The following THBS3 variants were observed in gnomAD, a reference collection of about 807,000 sequenced individuals.
The protein encoded by THBS3 is thrombospondin 3.
In THBS3, 78 loss-of-function variants were observed where a neutral mutation model predicts 118.3. That is an observed-to-expected ratio of 0.66 (90% CI 0.55 to 0.80). The LOEUF is 0.80. Ranked by LOEUF, THBS3 falls within the 30% of genes least tolerant of loss-of-function variation. THBS3 has a pLI of 0.00. For missense variants in THBS3, 1,057 were observed against 1,247.4 expected (o/e 0.85, Z 2.30); for synonymous variants, 427 against 475.3 (o/e 0.90, Z 1.32).
chr1:155,196,187 C>T (rs1379503691), intron 21 of THBS3, 61 bp from the exon 22 acceptor site: 44 of 1,596,028 alleles, frequency 2.8e-5, no homozygotes, highest in Non-Finnish European at 3.6e-5. Context: ...GGCACTGTGC[C>T]ACCATGCCTG....
chr1:155,203,599 G>A, intron 4 of THBS3, 60 bp from the exon 5 acceptor site: 1 of 1,600,188 alleles, frequency 6.2e-7, no homozygotes, highest in South Asian at 1.1e-5. Flanking sequence ...AGGCCTGGTT[G>A]GTGAGAAGGA....
chr1:155,203,618 G>A, intron 4 of THBS3, 79 bp from the exon 5 acceptor site: 1 of 1,547,046 alleles, frequency 6.5e-7, no homozygotes, highest in East Asian at 2.3e-5. Context: ...GAGGAAGGAA[G>A]GTGAGGACAG....
At position 155,202,051 on chromosome 1, in the gene THBS3, T is replaced by TG; in HGVS notation, c.1099-18dup. The TG allele has an allele frequency of 6.2e-7, 1 of 1,614,082 alleles. No individual in the cohort carries two copies. Among genetic ancestry groups the TG allele is most frequent in the Non-Finnish European group, 8.5e-7 (1 of 1,180,012 alleles). The stretch of plus-strand genomic sequence containing the variant: ...ATTGCAGACCTGAAGGGGCAGACTT[T>TG]GGGTGGAACCAGACCTATGGTGGGT... On this transcript the variant is annotated splice_polypyrimidine_tract_variant and intron_variant, in intron 9 of 22. Transcript: ENST00000368378. The surrounding 1 kb of genome is among the most constrained non-coding windows in gnomAD (Gnocchi z 5.5).
chr1:155,200,246 A>C, intron 14 of THBS3, 133 bp from the exon 15 acceptor site: 4 of 1,021,976 alleles, frequency 3.9e-6, no homozygotes, highest in Non-Finnish European at 5.8e-6. Flanking sequence ...TTCTTGTCTC[A>C]CCCTCTAGTC....
Position 155,205,050 on chromosome 1 carries a change from C to T in THBS3, c.543+10G>A, listed in dbSNP as rs1670348982. ...ATTTCCACAGAACTCAGAGGCTCCTCCCGGCTCACCTGCATCCTCAAATAC... is the reference window on the plus strand; with the variant it reads ...ATTTCCACAGAACTCAGAGGCTCCTTCCGGCTCACCTGCATCCTCAAATAC... On this transcript the variant is annotated intron_variant, in intron 3 of 22. Transcript: ENST00000368378. The T allele has an allele frequency of 9.3e-6, 15 of 1,612,942 alleles. No homozygotes were observed. The East Asian group carries it at 2.2e-4, about 24-fold the overall frequency.
In THBS3 at chr1:155,202,968, G is replaced by A; in HGVS notation, c.809-8C>T. On this transcript the variant is annotated splice_region_variant and splice_polypyrimidine_tract_variant and intron_variant, in intron 7 of 22. Coordinates refer to ENST00000368378, the MANE Select transcript of THBS3 (RefSeq NM_007112.5). The surrounding 1 kb of genome is among the most constrained non-coding windows in gnomAD (Gnocchi z 5.5). ...AACGCTGCTCATGGAAGCCTGAGGGGTGGACACAGTCAGAGCTACCCGGTG... is the reference window on the plus strand; with the variant it reads ...AACGCTGCTCATGGAAGCCTGAGGGATGGACACAGTCAGAGCTACCCGGTG... 2 of 1,613,930 alleles carry A rather than the reference G, an allele frequency of 1.2e-6. No individual in the cohort carries two copies. The highest frequency in any genetic ancestry group is 1.7e-6 in the Non-Finnish European group (2 of 1,179,976).
chr1:155,197,559 A>G lies in THBS3; in HGVS notation c.2403T>C (p.Ser801=). 1 of 1,612,320 alleles carries G rather than the reference A, an allele frequency of 6.2e-7. No individual in the cohort carries two copies. The highest frequency in any genetic ancestry group is 8.5e-7 in the Non-Finnish European group (1 of 1,179,112). ...YAGFLFSYQD[S]GRFYVVMWKQ... is the part of the protein sequence containing the mutation. ...TCCACATGACTACGTAGAAGCGGCC[A>G]CTGTCTTGATAACTGAAGAGAAAGC... Residue 801 remains serine, a synonymous_variant, in exon 20 of 23, where the codon AGT becomes AGC. Coordinates refer to ENST00000368378, the MANE Select transcript of THBS3 (RefSeq NM_007112.5). This position sits in a 1 kb window ranked among gnomAD's most constrained non-coding sequence, Gnocchi z 5.0.
intron 16 of THBS3, 22 bp downstream of exon 16, chr1:155,199,782 C>T (rs1182394324): frequency 8.1e-6 from 13 of 1,613,396 alleles, no homozygotes; most frequent in East Asian, 4.5e-5. Flanking sequence ...AAAGACCTTG[C>T]GTCTCTTGAC....
rs1669803841 is a variant in THBS3, at chr1:155,201,944, A to C, written c.1176+13T>G. ...CCCACCACCCCAGAATACACTCAGG[A>C]TATTCAGCTCACCACAGTGTTGGTG... On this transcript the variant is annotated intron_variant, in intron 10 of 22. Transcript: ENST00000368378. The C allele has an allele frequency of 6.2e-7, 1 of 1,613,768 alleles. No individual in the cohort carries two copies. The highest frequency in any genetic ancestry group is 8.5e-7 in the Non-Finnish European group (1 of 1,180,016).
Position 155,195,735 on chromosome 1 carries a change from G to T in THBS3, c.*106C>A. 8.0e-7 allele frequency: 1 copy of T among 1,247,914 alleles called. No homozygotes were observed. The highest frequency in any genetic ancestry group is 1.1e-6 in the Non-Finnish European group (1 of 874,918). The allele number at this position is 1,247,914 out of a possible 1,614,324, so 77.3% of individuals were successfully genotyped here. On this transcript the variant is annotated 3_prime_UTR_variant, in exon 23 of 23. Coordinates refer to ENST00000368378, the MANE Select transcript of THBS3 (RefSeq NM_007112.5). ...AACTCCTTTTGGGAGCCAGAGAAGGGTCTGTGGTTGGCTGAGGGGCTGTAG... is the reference window on the plus strand; with the variant it reads ...AACTCCTTTTGGGAGCCAGAGAAGGTTCTGTGGTTGGCTGAGGGGCTGTAG...
chr1:155,197,706 G>A lies in THBS3; in HGVS notation c.2303-47C>T, dbSNP rs775517578. The A allele has an allele frequency of 3.1e-6, 5 of 1,603,580 alleles. No homozygotes were observed. Among genetic ancestry groups the A allele is most frequent in the Admixed American group, 1.7e-5 (1 of 59,616 alleles). Reference sequence around the variant, plus strand: ...GGTCAGGGGCAGCAAAGCTACTGGCGGCCCATCATGGGGTAAAGTTGGGAA... The same window carrying A: ...GGTCAGGGGCAGCAAAGCTACTGGCAGCCCATCATGGGGTAAAGTTGGGAA... On this transcript the variant is annotated intron_variant, in intron 19 of 22. Transcript: ENST00000368378. This position sits in a 1 kb window ranked among gnomAD's most constrained non-coding sequence, Gnocchi z 5.0.
intron 21 of THBS3, 178 bp downstream of exon 21, chr1:155,196,863 G>C (rs567981567): frequency 3.2e-6 from 2 of 626,104 alleles, no homozygotes; most frequent in South Asian, 4.0e-5. Flanking sequence ...GGGAAAATGG[G>C]TCATGGAGGA....
At chr1:155,208,690 C>A (rs1472400840), upstream of THBS3, 4 of 1,110,162 alleles carry the variant, frequency 3.6e-6, no homozygotes, top group African/African-American at 3.2e-5. Flanking sequence ...CTCTTCCCCT[C>A]CCCCACCCAA....
chr1:155,201,654 G>T, intron 10 of THBS3, 85 bp from the exon 11 acceptor site: 1 of 1,454,560 alleles, frequency 6.9e-7, no homozygotes, highest in Non-Finnish European at 9.5e-7. Context: ...GCGGAGTGTG[G>T]GCTGGGCACT....
chr1:155,197,073 C>G lies in THBS3; in HGVS notation c.2640G>C (p.Gln880His). ...GWRDKTSYRW[Q>H]LLHRPQVGYI... ...AGCCAACTTGAGGCCGGTGCAGAAG[C>G]TGCCAGCGATAGGAGGTCTTGTCCC... The change falls in exon 21 of 23, where the codon CAG (glutamine) becomes CAC (histidine). Residue 880 changes from glutamine (Q) to histidine (H), a missense_variant. Around this residue, in one of 3 missense-constraint regions of THBS3, gnomAD observed 307 missense variants for 326.1 expected, o/e 0.94. Coordinates refer to ENST00000368378, the MANE Select transcript of THBS3 (RefSeq NM_007112.5). This position sits in a 1 kb window ranked among gnomAD's most constrained non-coding sequence, Gnocchi z 5.0. 1 of 1,614,090 alleles carries G rather than the reference C, an allele frequency of 6.2e-7. No individual in the cohort carries two copies. Among genetic ancestry groups the G allele is most frequent in the East Asian group, 2.2e-5 (1 of 44,884 alleles).
In THBS3 at chr1:155,195,973, A is replaced by G. The variant is rs756946087; in HGVS notation, c.2812+14T>C. 5.0e-6 allele frequency: 8 copies of G among 1,614,072 alleles called. No homozygotes were observed. In the African/African-American group the frequency reaches 6.7e-5, roughly 13 times the overall value. ...GGCATGAAGGATTAGGTTGATCTCA[A>G]TCAGCCACCTCACCATTGCATCGAT... On this transcript the variant is annotated intron_variant, in intron 22 of 22. Coordinates refer to ENST00000368378, the MANE Select transcript of THBS3 (RefSeq NM_007112.5).
Position 155,195,772 on chromosome 1 carries a change from G to C in THBS3, c.*69C>G. 2 of 1,545,726 alleles carry C rather than the reference G, an allele frequency of 1.3e-6. No homozygotes were observed. The highest frequency in any genetic ancestry group is 1.1e-5 in the South Asian group (1 of 88,964). On this transcript the variant is annotated 3_prime_UTR_variant, in exon 23 of 23. Coordinates refer to ENST00000368378, the MANE Select transcript of THBS3 (RefSeq NM_007112.5). ...CTGAGGGGCTGTAGCTTAGACCTCA[G>C]GGTCTCCAGGATGGACCCCAAGGCC...
rs981691712 is a variant in THBS3 at position 155,204,705 on chromosome 1, G to A, written c.646+150C>T. 3 of 734,152 alleles carry A rather than the reference G, an allele frequency of 4.1e-6. No individual in the cohort carries two copies. In the African/African-American group the frequency reaches 5.3e-5, roughly 13 times the overall value. 45.5% of individuals were successfully genotyped at this position (734,152 alleles called of 1,614,324 possible). ...GGGTGTATTGGAGATTGTGGAGTCAGGTGAAAGATTTGGAATAACAGGGTT... is the reference window on the plus strand; with the variant it reads ...GGGTGTATTGGAGATTGTGGAGTCAAGTGAAAGATTTGGAATAACAGGGTT... On this transcript the variant is annotated intron_variant, in intron 4 of 22. Transcript: ENST00000368378.
At position 155,197,226 on chromosome 1, in the gene THBS3, G is replaced by A; in HGVS notation, c.2500-13C>T. ...CTGATGTCACTGCCTAGGAGACATT[G>A]GCAAAGACAGTGGGTCAACTGCAGA... On this transcript the variant is annotated splice_polypyrimidine_tract_variant and intron_variant, in intron 20 of 22. Coordinates refer to ENST00000368378, the MANE Select transcript of THBS3 (RefSeq NM_007112.5). The surrounding 1 kb of genome is among the most constrained non-coding windows in gnomAD (Gnocchi z 5.0). 6.2e-7 allele frequency: 1 copy of A among 1,609,528 alleles called. No individual in the cohort carries two copies. The highest frequency in any genetic ancestry group is 1.1e-5 in the South Asian group (1 of 91,008).
Sources: allele counts gnomAD v4.1 joint callset, GRCh38; gene constraint gnomAD v4.1.1; regional missense constraint gnomAD v4.1.1; non-coding constraint Gnocchi (gnomAD v3.1); transcripts MANE v1.5; gene names NCBI Gene and HGNC (gene_info 2026-07-23, HGNC 2026-07-21).